The following RET variants were observed in gnomAD, a reference collection of about 807,000 sequenced individuals.
RET encodes the protein ret proto-oncogene.
RET carries 19 observed loss-of-function variants against 118.3 expected under a neutral mutation model. The observed-to-expected ratio is 0.16, with a 90% CI of 0.11 to 0.24. The LOEUF is 0.24. Ranked by LOEUF, RET falls within the 10% of genes least tolerant of loss-of-function variation. RET has a pLI of 1.00. For synonymous variants in RET, 597 were observed against 644.1 expected (o/e 0.93, Z 1.11); for missense variants, 1,219 against 1,502.1 (o/e 0.81, Z 3.12).
At position 43,121,933 on chromosome 10, in the gene RET, A is replaced by G. The variant is rs1223648532; in HGVS notation, c.2731-13A>G. On this transcript the variant is annotated splice_polypyrimidine_tract_variant and intron_variant, in intron 15 of 19. Coordinates refer to ENST00000355710, the MANE Select transcript of RET (RefSeq NM_020975.6). ...AGAGTAACTTCAATGTCTTTATTCCATCTTCTCTTTAGGGTCGGATTCCAG... is the reference window on the plus strand; with the variant it reads ...AGAGTAACTTCAATGTCTTTATTCCGTCTTCTCTTTAGGGTCGGATTCCAG... 6.2e-7 allele frequency: 1 copy of G among 1,604,186 alleles called. No homozygotes were observed. The highest frequency in any genetic ancestry group is 8.5e-7 in the Non-Finnish European group (1 of 1,171,028).
intron 12 of RET, among the ~76,000 whole-genome samples, chr10:43,118,077 A>T (rs1390569478): frequency 2.0e-5 from 3 of 152,220 alleles, no homozygotes; most frequent in African/African-American, 7.2e-5. Context: ...ACTGTCTTCT[A>T]AAGACAATGA....
chr10:43,118,523 G>A (rs2132933342), intron 13 of RET, 43 bp downstream of exon 13: 1 of 1,434,700 alleles, frequency 7.0e-7, no homozygotes, highest in Non-Finnish European at 9.8e-7. Context: ...ACTGCACCCA[G>A]GCTGGGGGCT....
intron 1 of RET, among the ~76,000 whole-genome samples, chr10:43,091,216 A>G (rs1030904778): frequency 1.3e-5 from 2 of 152,236 alleles, no homozygotes; most frequent in Non-Finnish European, 2.9e-5. Context: ...AGAAGAGTGA[A>G]AACACAGCCC....
chr10:43,104,442 G>A (rs960924125), intron 3 of RET, among the ~76,000 whole-genome samples: 2 of 152,150 alleles, frequency 1.3e-5, no homozygotes, highest in Non-Finnish European at 2.9e-5. Context: ...GCCTGAACCC[G>A]GGAGTTGGAG....
At chr10:43,103,885 C>T (rs752613785) in intron 3 of RET, among the ~76,000 whole-genome samples, 3 of 152,204 alleles carry the variant, frequency 2.0e-5, no homozygotes, top group African/African-American at 7.2e-5. Context: ...GAGTTGCCCC[C>T]GCCTCCTTGG....
intron 12 of RET, among the ~76,000 whole-genome samples, chr10:43,117,802 T>C (rs574172981): frequency 2.6e-4 from 39 of 152,344 alleles, no homozygotes; most frequent in Non-Finnish European, 5.0e-4. Flanking sequence ...GTAACACTGC[T>C]TTATCTCAGG....
Position 43,112,708 on chromosome 10 carries a change from T to G in RET, c.1649-145T>G. The G allele has an allele frequency of 5.6e-6, 4 of 712,500 alleles. No individual in the cohort carries two copies. The South Asian group carries it at 6.0e-5, about 11-fold the overall frequency. 44.1% of individuals were successfully genotyped at this position (712,500 alleles called of 1,614,324 possible). A position where few individuals can be genotyped will look rare whatever the true frequency, so the allele number is the denominator to read the frequency against. On this transcript the variant is annotated intron_variant, in intron 8 of 19. Coordinates refer to ENST00000355710, the MANE Select transcript of RET (RefSeq NM_020975.6). Reference sequence around the variant, plus strand: ...ATAAGCCATGGCTCCCCAGGATGCTTCCGCTGGCAAGGCTCTGTATATGGT... The same window carrying G: ...ATAAGCCATGGCTCCCCAGGATGCTGCCGCTGGCAAGGCTCTGTATATGGT...
chr10:43,103,841 T>C (rs536490888), intron 3 of RET, among the ~76,000 whole-genome samples: 82 of 152,356 alleles, frequency 5.4e-4, no homozygotes, highest in African/African-American at 1.9e-3. Flanking sequence ...ACGTAATTCA[T>C]GCGCAAGGCA....
chr10:43,087,256 C>T (rs1204640172), intron 1 of RET, among the ~76,000 whole-genome samples: 3 of 152,258 alleles, frequency 2.0e-5, no homozygotes, highest in African/African-American at 7.2e-5. Context: ...CTTCCAGCTA[C>T]TGGCCACCCT....
intron 13 of RET, 63 bp from the exon 14 acceptor site, chr10:43,119,467 CT>C: frequency 6.9e-7 from 1 of 1,455,412 alleles, no homozygotes; most frequent in Non-Finnish European, 9.3e-7. Context: ...CCTCCCACCC[CT>C]GGCTCCTGGA....
intron 1 of RET, among the ~76,000 whole-genome samples, chr10:43,079,347 G>A (rs1380161298): frequency 1.3e-5 from 2 of 152,198 alleles, no homozygotes; most frequent in African/African-American, 2.4e-5. Context: ...GGGACGCCAC[G>A]TGTGTATATA....
rs1588864039 is a variant in RET, at chr10:43,102,471, C to T, written c.467C>T (p.Ala156Val). The T allele has an allele frequency of 6.2e-7, 1 of 1,614,262 alleles. No homozygotes were observed. Among genetic ancestry groups the T allele is most frequent in the Non-Finnish European group, 8.5e-7 (1 of 1,180,048 alleles). Residue 156 changes from alanine (A) to valine (V), a missense_variant, in exon 3 of 20, where the codon GCC (alanine) becomes GTC (valine). Around this residue, in one of 5 missense-constraint regions of RET, gnomAD observed 850 missense variants for 969.6 expected, o/e 0.88. Transcript: ENST00000355710. ...YFSFFNTSFP[A>V]CSSLKPRELC... ...TCCTTCTTCAACACCTCCTTTCCAGCCTGCAGCTCCCTCAAGCCCCGGGAG... is the reference window on the plus strand; with the variant it reads ...TCCTTCTTCAACACCTCCTTTCCAGTCTGCAGCTCCCTCAAGCCCCGGGAG...
chr10:43,096,225 G>A lies in RET; in HGVS notation c.74-4234G>A, dbSNP rs184152845. 9.9e-5 allele frequency among the ~76,000 whole-genome samples: 15 copies of A among 152,070 alleles called. No homozygotes were observed. The East Asian group carries it at 1.8e-3, about 18-fold the overall frequency. ...GTGTCTGTCACCAGACGTGGGTCTC[G>A]ACCCACGGGCCTGGCCTTGGTCCAC... On this transcript the variant is annotated intron_variant, in intron 1 of 19. Coordinates refer to ENST00000355710, the MANE Select transcript of RET (RefSeq NM_020975.6).
chr10:43,123,864 G>A (rs1260065065), intron 17 of RET, 56 bp downstream of exon 17: 14 of 1,611,762 alleles, frequency 8.7e-6, no homozygotes, highest in African/African-American at 1.3e-5. Flanking sequence ...GGACATCTGT[G>A]TGCATTCCCT....
intron 11 of RET, among the ~76,000 whole-genome samples, chr10:43,116,102 A>G (rs1374895901): frequency 6.6e-6 from 1 of 152,208 alleles, no homozygotes; most frequent in Non-Finnish European, 1.5e-5. Flanking sequence ...GTGGGAGGGC[A>G]GGGTGGTAGT....
intron 1 of RET, among the ~76,000 whole-genome samples, chr10:43,088,405 G>C (rs1837340405): frequency 6.6e-6 from 1 of 150,676 alleles, no homozygotes. Flanking sequence ...GGTGGTGGAA[G>C]TCATGATGGT....
At chr10:43,085,598 A>C (rs1444769573) in intron 1 of RET, among the ~76,000 whole-genome samples, 2 of 152,188 alleles carry the variant, frequency 1.3e-5, no homozygotes, top group African/African-American at 4.8e-5. Flanking sequence ...CTCAAAGGGC[A>C]TGAGGACCTC....
intron 19 of RET, chr10:43,127,109 G>A (rs1275759394): frequency 1.7e-6 from 2 of 1,164,978 alleles, no homozygotes; most frequent in Non-Finnish European, 2.1e-6. Context: ...GTATTCAGTT[G>A]AGAAAGGAGC....
At chr10:43,111,585 G>A (rs1440710228) in intron 7 of RET, 120 bp downstream of exon 7, 2 of 1,159,140 alleles carry the variant, frequency 1.7e-6, no homozygotes, top group Non-Finnish European at 2.4e-6. Context: ...GGGAAGGCAT[G>A]GACCAGCTTC....
Sources: allele counts gnomAD v4.1 joint callset (sites outside exome capture counted in the v4.1 genomes callset), GRCh38; gene constraint gnomAD v4.1.1; regional missense constraint gnomAD v4.1.1; transcripts MANE v1.5; gene names NCBI Gene and HGNC (gene_info 2026-07-23, HGNC 2026-07-21).